RPS6KC1: variants seen among roughly 807,000 people sequenced by gnomAD.
RPS6KC1 encodes the protein inactive ribosomal protein S6 kinase delta-1.
In RPS6KC1, 54 loss-of-function variants were observed where a neutral mutation model predicts 103.8. The ratio of observed to expected loss-of-function variants is 0.52; its 90% CI spans 0.42 to 0.65. RPS6KC1 has a LOEUF of 0.65. RPS6KC1 is among the 30% of genes least tolerant of loss of function. The probability of loss-of-function intolerance (pLI) is 0.00; values close to 1 mark genes in which losing one functional copy is unlikely to be tolerated. For synonymous variants in RPS6KC1, 439 were observed against 438.7 expected, an observed-to-expected ratio of 1.00 and a Z score of -0.01; for missense variants, 1,151 against 1,253.8, an observed-to-expected ratio of 0.92 and a Z score of 1.24.
intron 6 of RPS6KC1, among the ~76,000 whole-genome samples, chr1:213,152,274 G>A (rs1572872759): frequency 6.8e-6 from 1 of 147,610 alleles, no homozygotes; most frequent in East Asian, 2.1e-4. Context: ...TGGCCTGGCG[G>A]GGGGCTGATC....
At chr1:213,195,987 T>C (rs1245303802) in intron 8 of RPS6KC1, among the ~76,000 whole-genome samples, 1 of 152,184 alleles carries the variant, frequency 6.6e-6, no homozygotes. Flanking sequence ...TTCCTCTGGG[T>C]AGATACCCAG....
chr1:213,427,812 T>C, the RPS6KC1 span, among the ~76,000 whole-genome samples: 1 of 152,264 alleles, frequency 6.6e-6, no homozygotes, highest in South Asian at 2.1e-4. Context: ...TGATCGGCTC[T>C]GGCTTCTTAA....
At chr1:213,285,052 C>T in the RPS6KC1 span, among the ~76,000 whole-genome samples, 2 of 152,190 alleles carry the variant, frequency 1.3e-5, no homozygotes, top group African/African-American at 4.8e-5. Flanking sequence ...GTTTGGACTA[C>T]TATAACAAAG....
the RPS6KC1 span, among the ~76,000 whole-genome samples, chr1:213,599,176 G>T: frequency 6.6e-6 from 1 of 152,148 alleles, no homozygotes; most frequent in Non-Finnish European, 1.5e-5. Flanking sequence ...GTTTTTGGAC[G>T]TTTACAATTG....
the RPS6KC1 span, among the ~76,000 whole-genome samples, chr1:213,460,453 C>T: frequency 6.8e-6 from 1 of 147,248 alleles, no homozygotes; most frequent in African/African-American, 2.5e-5. Flanking sequence ...AATATTCTTC[C>T]ATCCCTTTAT....
the RPS6KC1 span, among the ~76,000 whole-genome samples, chr1:213,294,528 T>C: frequency 6.6e-6 from 1 of 152,164 alleles, no homozygotes; most frequent in Non-Finnish European, 1.5e-5. Flanking sequence ...AGTGAGTAGC[T>C]GACCAGAGCA....
At chr1:213,555,069 A>G in the RPS6KC1 span, among the ~76,000 whole-genome samples, 5 of 152,224 alleles carry the variant, frequency 3.3e-5, no homozygotes, top group Admixed American at 3.3e-4. Flanking sequence ...TATTTTATTC[A>G]TGATGGCCAT....
the RPS6KC1 span, among the ~76,000 whole-genome samples, chr1:213,432,004 G>A: frequency 6.6e-6 from 1 of 152,122 alleles, no homozygotes; most frequent in African/African-American, 2.4e-5. Context: ...GGGGCATACT[G>A]TATCTCATTG....
chr1:213,161,272 C>G (rs962118510), intron 6 of RPS6KC1, among the ~76,000 whole-genome samples: 1 of 151,770 alleles, frequency 6.6e-6, no homozygotes, highest in Admixed American at 6.6e-5. Flanking sequence ...TTCTCTGTTA[C>G]TCTGAAATTG....
the RPS6KC1 span, among the ~76,000 whole-genome samples, chr1:213,406,471 C>T: frequency 2.0e-5 from 3 of 151,982 alleles, no homozygotes; most frequent in African/African-American, 4.8e-5. Flanking sequence ...AATGGCATGG[C>T]CACCAGACTT....
chr1:213,338,991 C>T, the RPS6KC1 span, among the ~76,000 whole-genome samples: 1 of 152,096 alleles, frequency 6.6e-6, no homozygotes, highest in Non-Finnish European at 1.5e-5. Flanking sequence ...GGGCCAGGCA[C>T]GGTGGCTCAT....
chr1:213,694,648 G>C, the RPS6KC1 span, among the ~76,000 whole-genome samples: 1 of 152,016 alleles, frequency 6.6e-6, no homozygotes, highest in Non-Finnish European at 1.5e-5. Flanking sequence ...ACCCAGTCCC[G>C]GTGCAAATTC....
intron 1 of RPS6KC1, among the ~76,000 whole-genome samples, chr1:213,065,131 C>A (rs1033573141): frequency 2.6e-5 from 4 of 151,698 alleles, no homozygotes; most frequent in Non-Finnish European, 4.4e-5. Context: ...CGTCTGCTAC[C>A]GTGCCTGGCT....
the RPS6KC1 span, among the ~76,000 whole-genome samples, chr1:213,534,228 T>C: frequency 2.6e-5 from 4 of 152,324 alleles, no homozygotes; most frequent in East Asian, 5.8e-4. Flanking sequence ...GTGAATGCTG[T>C]GTATCTGAAG....
the RPS6KC1 span, among the ~76,000 whole-genome samples, chr1:213,653,828 T>G: frequency 1.3e-5 from 2 of 152,226 alleles, no homozygotes; most frequent in African/African-American, 4.8e-5. Flanking sequence ...AATCTGCATT[T>G]TCACATTTTC....
the RPS6KC1 span, among the ~76,000 whole-genome samples, chr1:213,782,678 CAG>C: frequency 4.5e-4 from 69 of 151,962 alleles, 1 homozygote; most frequent in African/African-American, 1.6e-3. Flanking sequence ...GAAAGAGAAA[CAG>C]AGAAAAGGAA....
At chr1:213,460,626 CATT>C in the RPS6KC1 span, among the ~76,000 whole-genome samples, 1 of 152,176 alleles carries the variant, frequency 6.6e-6, no homozygotes, top group East Asian at 1.9e-4. Flanking sequence ...TTGATCCTGT[CATT>C]ATGATGCTAG....
At chr1:213,152,105 C>T (rs2089151228) in intron 6 of RPS6KC1, among the ~76,000 whole-genome samples, 1 of 130,546 alleles carries the variant, frequency 7.7e-6, no homozygotes, top group African/African-American at 3.0e-5. Flanking sequence ...GGCAGAGGGG[C>T]TCCTCACTTC....
the RPS6KC1 span, among the ~76,000 whole-genome samples, chr1:213,637,324 TG>T: frequency 8.7e-5 from 13 of 150,030 alleles, no homozygotes. Flanking sequence ...ATGTTTATTG[TG>T]GCACTATTCA....
Sources: allele counts gnomAD v4.1 joint callset (sites outside exome capture counted in the v4.1 genomes callset), GRCh38; gene constraint gnomAD v4.1.1; transcripts MANE v1.5; gene names NCBI Gene and HGNC (gene_info 2026-07-23, HGNC 2026-07-21).